ZCWPW2: variants seen among roughly 807,000 people sequenced by gnomAD.
ZCWPW2 encodes the protein zinc finger CW-type and PWWP domain containing 2, also known as zinc finger CW-type PWWP domain protein 2.
In ZCWPW2, 45 loss-of-function variants were observed where a neutral mutation model predicts 46.6. The observed-to-expected ratio is 0.96, with a 90% CI of 0.76 to 1.24. The LOEUF (loss-of-function observed/expected upper bound fraction) is 1.24. ZCWPW2 is among the 50% of genes most tolerant of loss of function. ZCWPW2 has a pLI of 0.00. For missense variants in ZCWPW2, 429 were observed against 403.9 expected, an observed-to-expected ratio of 1.06 and a Z score of -0.53; for synonymous variants, 152 against 137.1, an observed-to-expected ratio of 1.11 and a Z score of -0.76.
intron 1 of ZCWPW2, among the ~76,000 whole-genome samples, chr3:28,360,093 G>T (rs1303761218): frequency 6.6e-6 from 1 of 151,918 alleles, no homozygotes; most frequent in Non-Finnish European, 1.5e-5. Flanking sequence ...GAGATGCATG[G>T]GAAAGAGTGA....
At chr3:28,493,150 G>T (rs868763065) in intron 6 of ZCWPW2, among the ~76,000 whole-genome samples, 274 of 81,732 alleles carry the variant, frequency 3.4e-3, no homozygotes, top group African/African-American at 5.6e-3. Context: ...TTTTTTTAAT[G>T]TTTTTTTTTT....
intron 4 of ZCWPW2, among the ~76,000 whole-genome samples, chr3:28,440,504 A>T (rs1039240552): frequency 6.6e-6 from 1 of 152,200 alleles, no homozygotes; most frequent in Non-Finnish European, 1.5e-5. Flanking sequence ...CATATAATGG[A>T]TGCTGATTCA....
At chr3:28,428,890 C>T (rs1559500634) in intron 3 of ZCWPW2, among the ~76,000 whole-genome samples, 1 of 152,146 alleles carries the variant, frequency 6.6e-6, no homozygotes, top group Non-Finnish European at 1.5e-5. Flanking sequence ...TTTCCTGAGG[C>T]CTCCCCAACC....
intron 2 of ZCWPW2, among the ~76,000 whole-genome samples, chr3:28,399,517 C>G (rs1262831936): frequency 1.3e-5 from 2 of 152,168 alleles, no homozygotes; most frequent in African/African-American, 4.8e-5. Flanking sequence ...GCTAAGGAAC[C>G]TCCCAGAGTC....
chr3:28,413,453 G>T (rs558496522), intron 3 of ZCWPW2, 53 bp downstream of exon 3: 2 of 1,410,780 alleles, frequency 1.4e-6, no homozygotes, highest in Admixed American at 2.3e-5. Context: ...CTAGGTTTAT[G>T]AATATTAAAA....
intron 5 of ZCWPW2, among the ~76,000 whole-genome samples, chr3:28,485,764 G>A (rs7633162): frequency 0.41 from 62,490 of 151,764 alleles, 13,157 homozygotes; most frequent in East Asian, 0.65. Context: ...TCATCCATCT[G>A]GGCCATTAAT....
At chr3:28,440,996 G>A (rs1002676465) in intron 4 of ZCWPW2, among the ~76,000 whole-genome samples, 2 of 152,176 alleles carry the variant, frequency 1.3e-5, no homozygotes, top group Non-Finnish European at 2.9e-5. Context: ...CTCAGCAGTG[G>A]CTGTAGCCAG....
intron 1 of ZCWPW2, among the ~76,000 whole-genome samples, chr3:28,366,878 G>A (rs1213111277): frequency 6.6e-6 from 1 of 152,196 alleles, no homozygotes; most frequent in Non-Finnish European, 1.5e-5. Flanking sequence ...TTGGGAGGGT[G>A]TATGTGTCCA....
At chr3:28,385,880 C>G (rs189496730) in intron 1 of ZCWPW2, among the ~76,000 whole-genome samples, 20 of 150,984 alleles carry the variant, frequency 1.3e-4, no homozygotes, top group Admixed American at 1.3e-3. Flanking sequence ...GTGAGATTAA[C>G]GTAACCTTTT....
At chr3:28,499,844 T>G (rs11712484) in intron 6 of ZCWPW2, among the ~76,000 whole-genome samples, 1 of 151,994 alleles carries the variant, frequency 6.6e-6, no homozygotes, top group Non-Finnish European at 1.5e-5. Flanking sequence ...TAGACACTTA[T>G]TAGTTATTAA....
At chr3:28,507,334 G>A (rs983844790) in intron 6 of ZCWPW2, among the ~76,000 whole-genome samples, 5 of 152,010 alleles carry the variant, frequency 3.3e-5, no homozygotes, top group African/African-American at 1.2e-4. Context: ...CTTTTCACTT[G>A]TTGTTATCTT....
chr3:28,435,638 A>G (rs1404256831), intron 4 of ZCWPW2, among the ~76,000 whole-genome samples: 8 of 151,826 alleles, frequency 5.3e-5, no homozygotes, highest in Admixed American at 5.3e-4. Context: ...GGTGCCCGCC[A>G]CCATGCACGG....
chr3:28,448,784 C>CAAAAAAAAAAAA (rs576935771), intron 4 of ZCWPW2, among the ~76,000 whole-genome samples: 5 of 65,356 alleles, frequency 7.7e-5, no homozygotes, highest in Non-Finnish European at 1.4e-4. Context: ...GACTCTGTCT[C>CAAAAAAAAAAAA]AAAAAAAAAA....
Position 28,383,360 on chromosome 3 carries a change from TG to T in ZCWPW2, c.-133-7137del, listed in dbSNP as rs369094028. 2.0e-3 allele frequency among the ~76,000 whole-genome samples: 308 copies of T among 152,178 alleles called. 1 individual carries two copies. The highest frequency in any genetic ancestry group is 7.0e-3 in the African/African-American group (293 of 41,568). On this transcript the variant is annotated intron_variant, in intron 1 of 9. Coordinates refer to ENST00000383768, the MANE Select transcript of ZCWPW2 (RefSeq NM_001040432.4). ...AAATATGACACAAAGCAAAGGTTAA[TG>T]CTTCTTGGATTACATTTCTTGTTAT...
At chr3:28,364,684 T>G (rs1357079259) in intron 1 of ZCWPW2, among the ~76,000 whole-genome samples, 1 of 152,156 alleles carries the variant, frequency 6.6e-6, no homozygotes, top group East Asian at 1.9e-4. Context: ...AGGGTACATG[T>G]GCACAACATG....
intron 5 of ZCWPW2, among the ~76,000 whole-genome samples, chr3:28,487,879 G>T (rs1049359175): frequency 1.2e-4 from 18 of 152,044 alleles, no homozygotes; most frequent in Admixed American, 9.8e-4. Flanking sequence ...GCTAGACGGG[G>T]CTGGAGTTGA....
chr3:28,526,307 T>A lies in ZCWPW2; in HGVS notation c.*1619T>A, dbSNP rs991759991. ...GTTATATCATTTAATCTACTACTCA[T>A]CAATATCAGAGTTCTTTCTTTCTCA... On this transcript the variant is annotated 3_prime_UTR_variant, in exon 10 of 10. Coordinates refer to ENST00000383768, the MANE Select transcript of ZCWPW2 (RefSeq NM_001040432.4). 6.6e-6 allele frequency among the ~76,000 whole-genome samples: 1 copy of A among 152,192 alleles called. No individual in the cohort carries two copies. Among genetic ancestry groups the A allele is most frequent in the Non-Finnish European group, 1.5e-5 (1 of 68,026 alleles).
chr3:28,466,357 T>C (rs1698824373), intron 4 of ZCWPW2, among the ~76,000 whole-genome samples: 1 of 151,810 alleles, frequency 6.6e-6, no homozygotes, highest in African/African-American at 2.4e-5. Context: ...AAGGAAAAAA[T>C]AAAGAAGTAA....
Position 28,413,275 on chromosome 3 carries a change from T to C in ZCWPW2, c.207T>C (p.Asn69=). Residue 69 remains asparagine (N), a synonymous_variant, in exon 3 of 10, where the codon AAT becomes AAC. Coordinates refer to ENST00000383768, the MANE Select transcript of ZCWPW2 (RefSeq NM_001040432.4). ...YCFMNTDSRY[N]NCSISEEDFP... ...TCATGAACACTGATTCAAGATATAA[T>C]AACTGCTCAATTTCTGAAGAAGACT... The C allele has an allele frequency of 6.2e-7, 1 of 1,613,296 alleles. No individual in the cohort carries two copies. Among genetic ancestry groups the C allele is most frequent in the Non-Finnish European group, 8.5e-7 (1 of 1,179,516 alleles).
Sources: gnomAD v4.1 joint callset for allele counts (sites outside exome capture counted in the v4.1 genomes callset) on GRCh38, gnomAD v4.1.1 for gene constraint, MANE v1.5 for transcripts, NCBI Gene and HGNC (gene_info 2026-07-23, HGNC 2026-07-21) for gene names.